TTLL4: variants seen among roughly 807,000 people sequenced by gnomAD.
TTLL4 encodes tubulin monoglutamylase TTLL4.
In TTLL4, 85 loss-of-function variants were observed where a neutral mutation model predicts 122.7. The observed-to-expected ratio is 0.69, with a 90% CI of 0.58 to 0.83. The LOEUF (loss-of-function observed/expected upper bound fraction) is 0.83. Among genes scored for constraint, TTLL4 ranks in the 40% least tolerant of loss-of-function variants. The pLI, the probability that TTLL4 is intolerant of heterozygous loss-of-function variation, is 0.00. For missense variants in TTLL4, 1,363 were observed against 1,488.6 expected, an observed-to-expected ratio of 0.92 and a Z score of 1.39; for synonymous variants, 553 against 563.0, an observed-to-expected ratio of 0.98 and a Z score of 0.25.
chr2:218,713,307 C>G (rs907746988), intron 1 of TTLL4, among the ~76,000 whole-genome samples: 3 of 152,234 alleles, frequency 2.0e-5, no homozygotes, highest in Admixed American at 2.0e-4. Flanking sequence ...TGTATTGAGC[C>G]CAGGAGGTTA....
downstream of TTLL4, among the ~76,000 whole-genome samples, chr2:218,756,350 G>A (rs1371265152): frequency 1.3e-5 from 2 of 152,162 alleles, no homozygotes; most frequent in Non-Finnish European, 2.9e-5. Context: ...GAAGCATGGT[G>A]GGGGAAGGGA....
intron 1 of TTLL4, among the ~76,000 whole-genome samples, chr2:218,715,352 G>T (rs2106384933): frequency 1.3e-5 from 2 of 152,346 alleles, no homozygotes; most frequent in South Asian, 4.1e-4. Context: ...TAGTTACAGT[G>T]TGGAATCTGA....
At chr2:218,759,602 CTG>C (rs1943203370), downstream of TTLL4, among the ~76,000 whole-genome samples, 1 of 152,132 alleles carries the variant, frequency 6.6e-6, no homozygotes, top group African/African-American at 2.4e-5. Flanking sequence ...TGGGAAGATT[CTG>C]TATCTTGACT....
chr2:218,739,118 G>GA lies in TTLL4; in HGVS notation c.1443dup (p.Pro482ThrfsTer2). ...CAGCTGGGCCAGTCTGAGAAGGAGAGACCTGAGGAGGCCAGGGAGCTGGAC... is the reference window on the plus strand; with the variant it reads ...CAGCTGGGCCAGTCTGAGAAGGAGAGAACCTGAGGAGGCCAGGGAGCTGGAC... On this transcript the variant is annotated frameshift_variant, in exon 3 of 20. Transcript: ENST00000392102. LOFTEE classifies it high-confidence loss of function. The GA allele has an allele frequency of 6.2e-7, 1 of 1,614,042 alleles. No individual in the cohort carries two copies. The highest frequency in any genetic ancestry group is 8.5e-7 in the Non-Finnish European group (1 of 1,180,032).
At chr2:218,756,176 C>T (rs113940061), downstream of TTLL4, among the ~76,000 whole-genome samples, 8 of 152,264 alleles carry the variant, frequency 5.3e-5, no homozygotes, top group African/African-American at 1.7e-4. Flanking sequence ...TGGGCCTTCA[C>T]GGCAAGGACC....
chr2:218,753,941 A>T (rs902655066), intron 19 of TTLL4, among the ~76,000 whole-genome samples, 193 bp from the exon 20 acceptor site: 4 of 152,140 alleles, frequency 2.6e-5, no homozygotes, highest in African/African-American at 9.7e-5. Flanking sequence ...CCGCACCCCC[A>T]TTCACTCTTG....
rs750373542 is a variant in TTLL4, at chr2:218,737,645, A to G, written c.-32A>G. 1.3e-6 allele frequency: 2 copies of G among 1,546,144 alleles called. No homozygotes were observed. The highest frequency in any genetic ancestry group is 8.7e-7 in the Non-Finnish European group (1 of 1,146,762). On this transcript the variant is annotated 5_prime_UTR_variant, in exon 3 of 20. An upstream start codon of the reference 5' UTR is lost. Coordinates refer to ENST00000392102, the MANE Select transcript of TTLL4 (RefSeq NM_014640.5). Reference sequence around the variant, plus strand: ...TGTGGCACCTTACCTCAGCAAGGCCATGAGACCGTGTGGCCATGATGTGGG... The same window carrying G: ...TGTGGCACCTTACCTCAGCAAGGCCGTGAGACCGTGTGGCCATGATGTGGG...
At chr2:218,720,354 G>A (rs946278954) in intron 1 of TTLL4, among the ~76,000 whole-genome samples, 1 of 152,194 alleles carries the variant, frequency 6.6e-6, no homozygotes, top group African/African-American at 2.4e-5. Flanking sequence ...CTGTGGCAGA[G>A]TGCACGCACT....
rs1164938098 is a variant in TTLL4, at chr2:218,739,077, C to T, written c.1401C>T (p.Thr467=). Residue 467 remains threonine (T), a synonymous_variant, in exon 3 of 20, where the codon ACC becomes ACT. Coordinates refer to ENST00000392102, the MANE Select transcript of TTLL4 (RefSeq NM_014640.5). ...CTCTTGGCATAGCCAACGTGGCCAC[C>T]CGCCTCTCTTCCATCCAGCTGGGCC... ...PQTLGIANVA[T]RLSSIQLGQS... 1 of 1,614,110 alleles carries T rather than the reference C, an allele frequency of 6.2e-7. No homozygotes were observed. Among genetic ancestry groups the T allele is most frequent in the Admixed American group, 1.7e-5 (1 of 60,028 alleles).
intron 5 of TTLL4, among the ~76,000 whole-genome samples, chr2:218,743,913 G>A (rs563469978): frequency 2.7e-3 from 406 of 152,192 alleles, no homozygotes; most frequent in African/African-American, 9.2e-3. Context: ...TCCCAACCTC[G>A]GGTGATCCGC....
At chr2:218,715,656 A>T (rs952099291) in intron 1 of TTLL4, among the ~76,000 whole-genome samples, 9 of 151,606 alleles carry the variant, frequency 5.9e-5, no homozygotes, top group Admixed American at 1.3e-4. Context: ...CTTTAGAGGG[A>T]GTCTCAATCT....
intron 2 of TTLL4, among the ~76,000 whole-genome samples, chr2:218,734,486 G>A (rs749409178): frequency 2.0e-5 from 3 of 152,168 alleles, no homozygotes; most frequent in African/African-American, 4.8e-5. Flanking sequence ...GGTGGCATGC[G>A]CAGAGGTGAG....
In TTLL4 at chr2:218,749,143, C is replaced by T. The variant is rs74536167; in HGVS notation, c.2601-110C>T. ...GAGGTGTCACTTGAGAGCTACCTTT[C>T]CTGGGTTGCTTCTGCCTGCCTATCT... On this transcript the variant is annotated intron_variant, in intron 13 of 19. Transcript: ENST00000392102. The T allele has an allele frequency of 0.013, 20,166 of 1,494,758 alleles. 1,406 individuals are homozygous for T. In the African/African-American group the frequency reaches 0.19, roughly 14 times the overall value. The allele number at this position is 1,494,758 out of a possible 1,614,324, so 92.6% of individuals were successfully genotyped here.
intron 1 of TTLL4, among the ~76,000 whole-genome samples, chr2:218,724,178 C>A (rs1942121249): frequency 6.6e-6 from 1 of 152,002 alleles, no homozygotes; most frequent in African/African-American, 2.4e-5. Flanking sequence ...AAAGAGTAAA[C>A]AGGAATTCTT....
At chr2:218,712,746 C>A (rs1941751076) in intron 1 of TTLL4, among the ~76,000 whole-genome samples, 1 of 152,086 alleles carries the variant, frequency 6.6e-6, no homozygotes, top group Non-Finnish European at 1.5e-5. Flanking sequence ...CTGTGTGTGG[C>A]AAATCCCTCA....
chr2:218,726,428 A>T (rs1019876622), intron 1 of TTLL4, among the ~76,000 whole-genome samples: 1 of 151,990 alleles, frequency 6.6e-6, no homozygotes, highest in Non-Finnish European at 1.5e-5. Context: ...TTGGACTTGG[A>T]TATATGTATC....
chr2:218,718,308 T>C (rs904858052), intron 1 of TTLL4, among the ~76,000 whole-genome samples: 1 of 152,208 alleles, frequency 6.6e-6, no homozygotes, highest in Non-Finnish European at 1.5e-5. Context: ...ATAGATACCT[T>C]GTCCAAGTTG....
intron 16 of TTLL4, among the ~76,000 whole-genome samples, chr2:218,752,134 C>G (rs1943038116): frequency 6.6e-6 from 1 of 152,066 alleles, no homozygotes; most frequent in South Asian, 2.1e-4. Flanking sequence ...TCTCAACCTC[C>G]CAACCTCAAG....
intron 4 of TTLL4, among the ~76,000 whole-genome samples, 170 bp from the exon 5 acceptor site, chr2:218,740,351 T>G (rs1386698246): frequency 6.6e-6 from 1 of 152,162 alleles, no homozygotes; most frequent in African/African-American, 2.4e-5. Context: ...CCCACTGGTC[T>G]TACCTTCCCG....
Sources: allele counts gnomAD v4.1 joint callset (sites outside exome capture counted in the v4.1 genomes callset), GRCh38; gene constraint gnomAD v4.1.1; transcripts MANE v1.5; gene names NCBI Gene and HGNC (gene_info 2026-07-23, HGNC 2026-07-21).